Variants in SLC45A4 observed in about 807,000 individuals in gnomAD.
The protein encoded by SLC45A4 is solute carrier family 45 member 4, also known as polyamine-transporter SLC45A4.
Under a neutral mutation model 63.7 loss-of-function variants are expected in SLC45A4, and 32 were observed. That is an observed-to-expected ratio of 0.50 (90% CI 0.38 to 0.67). SLC45A4 has a LOEUF of 0.67. Among genes scored for constraint, SLC45A4 ranks in the 30% least tolerant of loss-of-function variants. The pLI is 0.00. For synonymous variants in SLC45A4, 535 were observed against 510.0 expected (o/e 1.05, Z -0.66); for missense variants, 1,027 against 1,157.7 (o/e 0.89, Z 1.64).
chr8:141,304,116 C>T (rs374574585), intron 1 of SLC45A4, among the ~76,000 whole-genome samples: 12 of 152,232 alleles, frequency 7.9e-5, no homozygotes, highest in African/African-American at 2.9e-4. Context: ...CAGCTACAGC[C>T]CAGCCCCTCT....
chr8:141,275,103 C>T (rs559269109), intron 1 of SLC45A4, among the ~76,000 whole-genome samples: 19 of 152,346 alleles, frequency 1.2e-4, no homozygotes, highest in East Asian at 3.9e-4. Flanking sequence ...TGAAAACCCA[C>T]GAAACATCTC....
intron 2 of SLC45A4, among the ~76,000 whole-genome samples, chr8:141,236,583 G>A (rs143549995): frequency 6.6e-6 from 1 of 152,190 alleles, no homozygotes; most frequent in Non-Finnish European, 1.5e-5. Flanking sequence ...CTATCCTTCT[G>A]TAAGATCTAA....
At chr8:141,216,066 C>T (rs1055049767) in intron 6 of SLC45A4, 96 bp from the exon 7 acceptor site, 27 of 1,095,828 alleles carry the variant, frequency 2.5e-5, no homozygotes, top group Admixed American at 1.6e-4. Flanking sequence ...CACATCCCCC[C>T]GACCTCCACT....
At chr8:141,222,983 C>T (rs11991262) in intron 2 of SLC45A4, among the ~76,000 whole-genome samples, 12 of 152,296 alleles carry the variant, frequency 7.9e-5, no homozygotes, top group East Asian at 3.9e-4. Flanking sequence ...CACTTCCTTA[C>T]GAAATAAAGG....
Position 141,215,894 on chromosome 8 carries a change from A to G in SLC45A4, c.1806T>C (p.Ser602=), listed in dbSNP as rs371442601. The G allele has an allele frequency of 5.6e-5, 91 of 1,614,020 alleles. No homozygotes were observed. Among genetic ancestry groups the G allele is most frequent in the Non-Finnish European group, 6.5e-5 (77 of 1,180,012 alleles). Residue 602 remains serine (S), a synonymous_variant, in exon 7 of 9, where the codon TCT becomes TCC. Coordinates refer to ENST00000517878, the MANE Select transcript of SLC45A4 (RefSeq NM_001286646.2). This position sits in a 1 kb window ranked among gnomAD's most constrained non-coding sequence, Gnocchi z 4.3. Reference sequence around the variant, plus strand: ...ACATGGCCATCACGGCTGTGCCGACAGAGAAGCCCAGCGTCCCCAGCACGT... The same window carrying G: ...ACATGGCCATCACGGCTGTGCCGACGGAGAAGCCCAGCGTCCCCAGCACGT... ...VIYVLGTLGF[S]VGTAVMAMFP...
At chr8:141,240,427 G>A (rs980798945) in intron 2 of SLC45A4, among the ~76,000 whole-genome samples, 4 of 152,218 alleles carry the variant, frequency 2.6e-5, no homozygotes, top group Non-Finnish European at 4.4e-5. Context: ...CCTTCCCGAG[G>A]GAAAAAGGCT....
intron 2 of SLC45A4, among the ~76,000 whole-genome samples, chr8:141,223,792 C>T (rs896904460): frequency 6.6e-6 from 1 of 152,208 alleles, no homozygotes; most frequent in Non-Finnish European, 1.5e-5. Flanking sequence ...CACGAGAGAC[C>T]GTGCCCCCAG....
rs936934768 is a variant in SLC45A4 at position 141,227,474 on chromosome 8, G to A, written c.242-5709C>T. Among the ~76,000 whole-genome samples the A allele has an allele frequency of 3.9e-5, 6 of 152,350 alleles. No individual in the cohort carries two copies. The East Asian group carries it at 7.7e-4, about 20-fold the overall frequency. On this transcript the variant is annotated intron_variant, in intron 2 of 8. Coordinates refer to ENST00000517878, the MANE Select transcript of SLC45A4 (RefSeq NM_001286646.2). The surrounding 1 kb of genome is among the most constrained non-coding windows in gnomAD (Gnocchi z 4.4). Reference sequence around the variant, plus strand: ...CTGGGACCAAATGCCACAGTGCGGCGAAACTCGTGAGCACAAGTCCTGCGT... The same window carrying A: ...CTGGGACCAAATGCCACAGTGCGGCAAAACTCGTGAGCACAAGTCCTGCGT...
At chr8:141,242,483 G>A (rs1827961724) in intron 2 of SLC45A4, among the ~76,000 whole-genome samples, 1 of 152,156 alleles carries the variant, frequency 6.6e-6, no homozygotes, top group African/African-American at 2.4e-5. Context: ...AGAAACGCGG[G>A]CTCCAGTATC....
chr8:141,219,818 C>A lies in SLC45A4; in HGVS notation c.442G>T (p.Gly148Cys). 6.3e-7 allele frequency: 1 copy of A among 1,582,560 alleles called. No homozygotes were observed. The highest frequency in any genetic ancestry group is 8.6e-7 in the Non-Finnish European group (1 of 1,165,588). ...ATGGGCTGCCGGTTGGGGACATCGC[C>A]GAGGGCCAGACCTGCGCAGAGCACA... ...LNGSAIGLAL[G>C]DVPNRQPIGI... is the part of the protein sequence containing the mutation. Residue 148 changes from glycine (G) to cysteine (C), a missense_variant, in exon 4 of 9, where the codon GGC (glycine) becomes TGC (cysteine). By Grantham distance (159) the Gly-to-Cys change is radical. Coordinates refer to ENST00000517878, the MANE Select transcript of SLC45A4 (RefSeq NM_001286646.2).
At chr8:141,281,957 C>T (rs1345323357) in intron 1 of SLC45A4, among the ~76,000 whole-genome samples, 2 of 151,876 alleles carry the variant, frequency 1.3e-5, no homozygotes, top group Non-Finnish European at 2.9e-5. Context: ...GTGGTGGCTC[C>T]TGCCCCGAGC....
At chr8:141,297,997 G>A (rs533877204) in intron 1 of SLC45A4, among the ~76,000 whole-genome samples, 17 of 149,838 alleles carry the variant, frequency 1.1e-4, no homozygotes, top group Non-Finnish European at 2.2e-4. Flanking sequence ...CTCCAGCTGT[G>A]GATGGTGGGC....
Position 141,254,426 on chromosome 8 carries a change from G to A in SLC45A4, c.-197C>T. ...ACGGTATGAGACATGCAGCAACACA[G>A]AACGATTTTTGGTTGGATTTTAAAC... On this transcript the variant is annotated 5_prime_UTR_variant, in exon 2 of 9. Coordinates refer to ENST00000517878, the MANE Select transcript of SLC45A4 (RefSeq NM_001286646.2). This position sits in a 1 kb window ranked among gnomAD's most constrained non-coding sequence, Gnocchi z 4.5. The A allele has an allele frequency of 1.5e-6, 1 of 680,006 alleles. No individual in the cohort carries two copies. Among genetic ancestry groups the A allele is most frequent in the Non-Finnish European group, 2.5e-6 (1 of 395,042 alleles). 42.1% of individuals were successfully genotyped at this position (680,006 alleles called of 1,614,324 possible).
In SLC45A4 at chr8:141,212,278, G is replaced by A. The variant is rs781257819; in HGVS notation, c.2220C>T (p.Ala740=). Residue 740 remains alanine, a synonymous_variant, in exon 8 of 9, where the codon GCC becomes GCT. Transcript: ENST00000517878. Reference sequence around the variant, plus strand: ...CGGTGGGCTTTTCGCTGTTCCCACCGGCCCTGCCTTCGCCGGCCAACGGGG... The same window carrying A: ...CGGTGGGCTTTTCGCTGTTCCCACCAGCCCTGCCTTCGCCGGCCAACGGGG... ...LSSPLAGEGR[A]GGNSEKPTVL... is the part of the protein sequence containing the mutation. The A allele has an allele frequency of 8.7e-6, 14 of 1,604,146 alleles. No homozygotes were observed. Among genetic ancestry groups the A allele is most frequent in the East Asian group, 6.7e-5 (3 of 44,658 alleles).
rs140115922 is a variant in SLC45A4 at position 141,256,612 on chromosome 8, A to G, written c.-400-1983T>C. 7.0e-3 allele frequency: 3,206 copies of G among 456,242 alleles called. 23 individuals are homozygous for G. Among genetic ancestry groups the G allele is most frequent in the Non-Finnish European group, 1.0e-2 (2,265 of 226,958 alleles). 28.3% of individuals were successfully genotyped at this position (456,242 alleles called of 1,614,324 possible). A position where few individuals can be genotyped will look rare whatever the true frequency, so the allele number is the denominator to read the frequency against. On this transcript the variant is annotated intron_variant, in intron 1 of 8. Transcript: ENST00000517878. This position sits in a 1 kb window ranked among gnomAD's most constrained non-coding sequence, Gnocchi z 4.3. ...CTCTTACGTCCCAGCTCTTCCCTAC[A>G]TCTTCTTTCACGCTGCAGCGGAAAC...
intron 1 of SLC45A4, among the ~76,000 whole-genome samples, chr8:141,262,679 C>A (rs1829087396): frequency 6.6e-6 from 1 of 151,820 alleles, no homozygotes; most frequent in Non-Finnish European, 1.5e-5. Flanking sequence ...CATCTCACAC[C>A]AGTTAGAATG....
At chr8:141,283,013 G>A (rs1351426186) in intron 1 of SLC45A4, among the ~76,000 whole-genome samples, 2 of 152,264 alleles carry the variant, frequency 1.3e-5, no homozygotes, top group Non-Finnish European at 2.9e-5. Flanking sequence ...GAGGCTCAGT[G>A]CCAGAGGCCA....
intron 1 of SLC45A4, among the ~76,000 whole-genome samples, chr8:141,286,839 T>C (rs1030864529): frequency 2.7e-5 from 4 of 150,868 alleles, no homozygotes; most frequent in Non-Finnish European, 5.9e-5. Context: ...AAGCAGCTGC[T>C]CTTCACAAAC....
At position 141,297,874 on chromosome 8, in the gene SLC45A4, A is replaced by G. The variant is rs566390853; in HGVS notation, c.-401+10222T>C. On this transcript the variant is annotated intron_variant, in intron 1 of 8. Coordinates refer to ENST00000517878, the MANE Select transcript of SLC45A4 (RefSeq NM_001286646.2). ...ACCTCATTTCATTTCAGGAAAAGTT[A>G]GCAAGATTTTTCTCACACACAGCCA... is the stretch of plus-strand genomic sequence containing the variant. 3.4e-3 allele frequency among the ~76,000 whole-genome samples: 509 copies of G among 149,792 alleles called. 3 individuals carry two copies. Among genetic ancestry groups the G allele is most frequent in the African/African-American group, 0.012 (486 of 40,204 alleles).
Sources: allele counts gnomAD v4.1 joint callset (sites outside exome capture counted in the v4.1 genomes callset), GRCh38; gene constraint gnomAD v4.1.1; non-coding constraint Gnocchi (gnomAD v3.1); transcripts MANE v1.5; gene names NCBI Gene and HGNC (gene_info 2026-07-23, HGNC 2026-07-21).